The following TXLNB variants were observed in gnomAD, a reference collection of about 807,000 sequenced individuals.
TXLNB encodes taxilin beta, also known as beta-taxilin.
In TXLNB, 37 loss-of-function variants were observed where a neutral mutation model predicts 57.4. The observed-to-expected ratio is 0.64, with a 90% CI of 0.50 to 0.85. The LOEUF is 0.85. TXLNB is among the 40% of genes least tolerant of loss of function. The pLI is 0.00. For synonymous variants in TXLNB, 302 were observed against 309.6 expected (o/e 0.98, Z 0.26); for missense variants, 848 against 825.6 (o/e 1.03, Z -0.33).
the TXLNB span, among the ~76,000 whole-genome samples, chr6:139,301,042 A>G: frequency 2.0e-5 from 3 of 152,216 alleles, no homozygotes; most frequent in African/African-American, 7.2e-5. Context: ...TAGGAGCCCA[A>G]ACTGTAGATG....
the TXLNB span, among the ~76,000 whole-genome samples, chr6:139,194,430 T>G: frequency 1.3e-5 from 2 of 152,236 alleles, no homozygotes; most frequent in African/African-American, 2.4e-5. Context: ...CTCTCCAAAC[T>G]TGCTCCTTCT....
the TXLNB span, among the ~76,000 whole-genome samples, chr6:139,182,057 G>A: frequency 5.6e-4 from 86 of 152,250 alleles, no homozygotes; most frequent in African/African-American, 1.7e-3. Context: ...CTAATTGAAC[G>A]TCTTGCTGAC....
At chr6:139,160,587 A>T in the TXLNB span, among the ~76,000 whole-genome samples, 1 of 152,098 alleles carries the variant, frequency 6.6e-6, no homozygotes, top group Admixed American at 6.5e-5. Flanking sequence ...CTAATTTTTT[A>T]AAATTTTCAT....
chr6:139,164,409 A>C, the TXLNB span, among the ~76,000 whole-genome samples: 2 of 152,126 alleles, frequency 1.3e-5, no homozygotes, highest in Non-Finnish European at 2.9e-5. Flanking sequence ...GGTGGGCTAC[A>C]GATACTGAGT....
At chr6:139,189,969 C>T in the TXLNB span, among the ~76,000 whole-genome samples, 1 of 152,180 alleles carries the variant, frequency 6.6e-6, no homozygotes, top group Non-Finnish European at 1.5e-5. Context: ...CATTAGCTGT[C>T]TGTCAAACAA....
chr6:139,174,494 C>T, the TXLNB span: 1 of 1,613,924 alleles, frequency 6.2e-7, no homozygotes, highest in Non-Finnish European at 8.5e-7. Flanking sequence ...ACCAGCTGGG[C>T]ACTATGTACA....
chr6:139,176,245 C>T, the TXLNB span, among the ~76,000 whole-genome samples: 4 of 152,218 alleles, frequency 2.6e-5, no homozygotes, highest in African/African-American at 7.2e-5. The surrounding 1 kb of genome is among the most constrained non-coding windows in gnomAD (Gnocchi z 4.5). Context: ...ACATGTGCCT[C>T]AGTTGCATTA....
downstream of TXLNB, among the ~76,000 whole-genome samples, chr6:139,236,002 C>T (rs536672900): frequency 6.6e-5 from 10 of 152,198 alleles, no homozygotes; most frequent in East Asian, 5.8e-4. Flanking sequence ...GAGAAGAGTC[C>T]GGACGCTGGG....
At chr6:139,233,450 T>A in the TXLNB span, among the ~76,000 whole-genome samples, 1 of 124,462 alleles carries the variant, frequency 8.0e-6, no homozygotes. Flanking sequence ...TAGATAGATA[T>A]TTTTTTTGAG....
chr6:139,255,474 G>T, intron 7 of TXLNB, 90 bp downstream of exon 7: 1 of 987,194 alleles, frequency 1.0e-6, no homozygotes, highest in Non-Finnish European at 1.6e-6. Context: ...CTGCCACATA[G>T]GAGGACTTCT....
the TXLNB span, among the ~76,000 whole-genome samples, chr6:139,298,784 T>TG: frequency 7.7e-3 from 1,180 of 152,308 alleles, 12 homozygotes; most frequent in African/African-American, 0.027. Flanking sequence ...ATCCCCAGTG[T>TG]TGGAGGTGGA....
chr6:139,223,125 A>G, the TXLNB span, among the ~76,000 whole-genome samples: 1 of 152,258 alleles, frequency 6.6e-6, no homozygotes, highest in Non-Finnish European at 1.5e-5. Flanking sequence ...AGTATAGTCC[A>G]TGACTGTAAC....
chr6:139,237,408 G>A (rs1775847270), downstream of TXLNB: 1 of 151,910 alleles, frequency 6.6e-6, no homozygotes, highest in South Asian at 2.1e-4. Flanking sequence ...GGGAGGCTGA[G>A]GCAGGAGAAT....
Position 139,242,491 on chromosome 6 carries a change from G to C in TXLNB, c.*35C>G. 6.9e-7 allele frequency: 1 copy of C among 1,452,004 alleles called. No individual in the cohort carries two copies. The highest frequency in any genetic ancestry group is 9.1e-7 in the Non-Finnish European group (1 of 1,100,942). The allele number at this position is 1,452,004 out of a possible 1,614,324, so 89.9% of individuals were successfully genotyped here. On this transcript the variant is annotated 3_prime_UTR_variant, in exon 10 of 10. Coordinates refer to ENST00000358430, the MANE Select transcript of TXLNB (RefSeq NM_153235.4). Reference sequence around the variant, plus strand: ...CAAGCTGTTATGCTGAATATGCAAAGAGGCAGGAAGAAGCCTCTGAAGGCA... The same window carrying C: ...CAAGCTGTTATGCTGAATATGCAAACAGGCAGGAAGAAGCCTCTGAAGGCA...
chr6:139,193,241 C>CTT, the TXLNB span, among the ~76,000 whole-genome samples: 149 of 101,232 alleles, frequency 1.5e-3, 2 homozygotes, highest in African/African-American at 4.8e-3. Context: ...CTTTGACCCT[C>CTT]TTTTTTTTTT....
the TXLNB span, among the ~76,000 whole-genome samples, chr6:139,228,236 C>G: frequency 6.6e-6 from 1 of 152,130 alleles, no homozygotes; most frequent in Non-Finnish European, 1.5e-5. Context: ...GGAAACTAGG[C>G]TGGGCGCAGT....
the TXLNB span, among the ~76,000 whole-genome samples, chr6:139,313,687 C>T: frequency 6.6e-6 from 1 of 151,988 alleles, no homozygotes; most frequent in Non-Finnish European, 1.5e-5. Flanking sequence ...AATTGAGCTG[C>T]TATATTTTTT....
chr6:139,245,907 G>A (rs1352177689), intron 8 of TXLNB, among the ~76,000 whole-genome samples: 3 of 151,982 alleles, frequency 2.0e-5, no homozygotes, highest in Admixed American at 6.6e-5. Flanking sequence ...TTGGCCAGGC[G>A]GTCTTGAGCT....
chr6:139,181,776 C>CAGTT, the TXLNB span, among the ~76,000 whole-genome samples: 2 of 152,098 alleles, frequency 1.3e-5, no homozygotes, highest in African/African-American at 4.8e-5. Context: ...ATGTAATAGC[C>CAGTT]AGTTATAAAA....
Sources: gnomAD v4.1 joint callset for allele counts (sites outside exome capture counted in the v4.1 genomes callset) on GRCh38, gnomAD v4.1.1 for gene constraint, Gnocchi (gnomAD v3.1) non-coding constraint, MANE v1.5 for transcripts, NCBI Gene and HGNC (gene_info 2026-07-23, HGNC 2026-07-21) for gene names.